WWOX: variants seen among roughly 807,000 people sequenced by gnomAD.
WWOX encodes the protein WW domain containing oxidoreductase.
In WWOX, 69 loss-of-function variants were observed where a neutral mutation model predicts 46.2. The observed-to-expected ratio is 1.49, with a 90% CI of 1.23 to 1.82. WWOX has a LOEUF of 1.82. WWOX is among the 40% of genes most tolerant of loss of function. The probability of loss-of-function intolerance (pLI) is 0.00; values close to 1 mark genes in which losing one functional copy is unlikely to be tolerated. For synonymous variants in WWOX, 359 were observed against 202.6 expected (o/e 1.77, Z -6.56); for missense variants, 919 against 542.6 (o/e 1.69, Z -6.89).
In WWOX at chr16:78,742,394, C is replaced by T. The variant is rs371619796; in HGVS notation, c.1056+309642C>T. On this transcript the variant is annotated intron_variant, in intron 8 of 8. Coordinates refer to ENST00000566780, the MANE Select transcript of WWOX (RefSeq NM_016373.4). ...CTCTGGCTCAGGTTAAGTGTTTCAG[C>T]GCCCTGGCTTCTGTGTCTTCATGTG... Among the ~76,000 whole-genome samples the T allele has an allele frequency of 2.3e-4, 35 of 152,224 alleles. 1 individual carries two copies. In the South Asian group the frequency reaches 3.7e-3, roughly 16 times the overall value.
chr16:78,418,653 T>TA (rs1312858452), intron 6 of WWOX, among the ~76,000 whole-genome samples: 3 of 152,130 alleles, frequency 2.0e-5, no homozygotes, highest in Non-Finnish European at 4.4e-5. Flanking sequence ...GGTTTTATAT[T>TA]AAAAAATCAG....
intron 8 of WWOX, among the ~76,000 whole-genome samples, chr16:78,839,534 T>C (rs61464612): frequency 0.12 from 17,633 of 152,146 alleles, 1,192 homozygotes; most frequent in South Asian, 0.18. Context: ...TTCCTCATGC[T>C]AATAGGTGTT....
intron 8 of WWOX, among the ~76,000 whole-genome samples, chr16:78,888,267 T>C (rs547953819): frequency 6.6e-6 from 1 of 152,304 alleles, no homozygotes; most frequent in East Asian, 1.9e-4. Context: ...TGAAAGTGAC[T>C]TGAGAACCCA....
intron 8 of WWOX, among the ~76,000 whole-genome samples, chr16:78,667,901 T>C (rs1489897082): frequency 6.6e-6 from 1 of 152,132 alleles, no homozygotes; most frequent in Non-Finnish European, 1.5e-5. Flanking sequence ...CCTTATCTGT[T>C]TCTAGGATGT....
intron 8 of WWOX, among the ~76,000 whole-genome samples, chr16:78,700,151 T>G (rs546992956): frequency 1.3e-5 from 2 of 151,972 alleles, no homozygotes; most frequent in Non-Finnish European, 2.9e-5. Flanking sequence ...CAGGCTGCTA[T>G]AACAGAATAC....
intron 8 of WWOX, among the ~76,000 whole-genome samples, chr16:79,154,479 A>G (rs1329132009): frequency 6.6e-6 from 1 of 151,170 alleles, no homozygotes; most frequent in Non-Finnish European, 1.5e-5. Context: ...GGACATATAA[A>G]TAATTTTTTA....
intron 1 of WWOX, among the ~76,000 whole-genome samples, chr16:78,105,437 T>G (rs1453529780): frequency 2.0e-5 from 3 of 147,626 alleles, no homozygotes; most frequent in East Asian, 4.0e-4. Context: ...GCAGCCTGGG[T>G]GACAGAGTGA....
chr16:78,576,062 T>G (rs1359651033), intron 8 of WWOX, among the ~76,000 whole-genome samples: 22 of 152,170 alleles, frequency 1.4e-4, no homozygotes, highest in Non-Finnish European at 4.4e-5. Context: ...AATCTTTTCT[T>G]GAAGCACAAT....
chr16:78,103,906 C>G (rs746249740), intron 1 of WWOX, among the ~76,000 whole-genome samples: 8 of 151,956 alleles, frequency 5.3e-5, no homozygotes, highest in Non-Finnish European at 1.2e-4. Flanking sequence ...ACTTGTGTGC[C>G]TCAAAGGCAC....
At chr16:78,127,152 C>G (rs1383500981) in intron 4 of WWOX, among the ~76,000 whole-genome samples, 1 of 152,128 alleles carries the variant, frequency 6.6e-6, no homozygotes. Context: ...CTTTCCTTCT[C>G]AGAACTCCTG....
chr16:78,418,470 T>C (rs911765065), intron 6 of WWOX, among the ~76,000 whole-genome samples: 2 of 151,970 alleles, frequency 1.3e-5, no homozygotes, highest in African/African-American at 4.8e-5. Context: ...CCACTATTAC[T>C]CTGACAACAG....
intron 8 of WWOX, among the ~76,000 whole-genome samples, chr16:78,794,981 T>G (rs1024587439): frequency 4.6e-5 from 7 of 152,240 alleles, no homozygotes; most frequent in Non-Finnish European, 1.0e-4. Flanking sequence ...GTAAGCATCT[T>G]GGGAAGTCTG....
intron 5 of WWOX, among the ~76,000 whole-genome samples, chr16:78,264,053 C>T (rs1441362323): frequency 1.0e-5 from 1 of 97,064 alleles, no homozygotes; most frequent in Non-Finnish European, 1.9e-5. Context: ...TCATTTATCT[C>T]TGGATGGTTT....
rs114253974 is a variant in WWOX at position 78,794,628 on chromosome 16, A to G, written c.1056+361876A>G. 7.7e-3 allele frequency among the ~76,000 whole-genome samples: 1,178 copies of G among 152,334 alleles called. 20 individuals are homozygous for G. Among genetic ancestry groups the G allele is most frequent in the African/African-American group, 0.027 (1,112 of 41,584 alleles). On this transcript the variant is annotated intron_variant, in intron 8 of 8. Coordinates refer to ENST00000566780, the MANE Select transcript of WWOX (RefSeq NM_016373.4). Reference sequence around the variant, plus strand: ...GTACCATCTTCATGTGGTCAGCACAATGGCTGACACATAGCAAGACCTTGG... The same window carrying G: ...GTACCATCTTCATGTGGTCAGCACAGTGGCTGACACATAGCAAGACCTTGG...
chr16:78,936,392 A>C (rs1270141497), intron 8 of WWOX, among the ~76,000 whole-genome samples: 1 of 152,132 alleles, frequency 6.6e-6, no homozygotes, highest in Non-Finnish European at 1.5e-5. Flanking sequence ...CAAGCTTTGC[A>C]TGATCTCCCC....
At chr16:78,690,781 C>G (rs1166337043) in intron 8 of WWOX, among the ~76,000 whole-genome samples, 1 of 152,170 alleles carries the variant, frequency 6.6e-6, no homozygotes, top group Non-Finnish European at 1.5e-5. Flanking sequence ...GCCAGTGATT[C>G]TATATAAACC....
chr16:78,833,328 C>T (rs1458608303), intron 8 of WWOX, among the ~76,000 whole-genome samples: 1 of 152,028 alleles, frequency 6.6e-6, no homozygotes, highest in African/African-American at 2.4e-5. Context: ...ATGACAAGCT[C>T]TTTCTTTATA....
At chr16:78,989,055 C>T (rs2046834677) in intron 8 of WWOX, among the ~76,000 whole-genome samples, 1 of 152,104 alleles carries the variant, frequency 6.6e-6, no homozygotes, top group Non-Finnish European at 1.5e-5. Context: ...TCAGAGTAAG[C>T]CATTTAACTT....
intron 8 of WWOX, among the ~76,000 whole-genome samples, chr16:78,730,932 T>G (rs1174726544): frequency 6.6e-6 from 1 of 152,136 alleles, no homozygotes; most frequent in Admixed American, 6.5e-5. Context: ...TCACTTTGTT[T>G]GTTCCCCTAG....
Sources: allele counts gnomAD v4.1 joint callset (sites outside exome capture counted in the v4.1 genomes callset), GRCh38; gene constraint gnomAD v4.1.1; transcripts MANE v1.5; gene names NCBI Gene and HGNC (gene_info 2026-07-23, HGNC 2026-07-21).